Variants in MSRA observed in about 807,000 individuals in gnomAD.
MSRA encodes mitochondrial peptide methionine sulfoxide reductase.
Under a neutral mutation model 31.3 loss-of-function variants are expected in MSRA, and 54 were observed. That is an observed-to-expected ratio of 1.73 (90% confidence interval 1.39 to 2.17). The LOEUF is 2.17. Among genes scored for constraint, MSRA ranks in the 30% most tolerant of loss-of-function variants. The pLI is 0.00. For missense variants in MSRA, 507 were observed against 300.9 expected, an observed-to-expected ratio of 1.69 and a Z score of -5.07; for synonymous variants, 169 against 116.5, an observed-to-expected ratio of 1.45 and a Z score of -2.90.
At chr8:10,279,685 A>C (rs1799515132) in intron 3 of MSRA, among the ~76,000 whole-genome samples, 1 of 152,236 alleles carries the variant, frequency 6.6e-6, no homozygotes, top group South Asian at 2.1e-4. Context: ...TGAAGCTAAC[A>C]CCTAGAAGGC....
At chr8:10,087,209 C>G (rs957453750) in intron 1 of MSRA, among the ~76,000 whole-genome samples, 4 of 152,154 alleles carry the variant, frequency 2.6e-5, no homozygotes, top group African/African-American at 9.7e-5. Flanking sequence ...TTTCAGCATA[C>G]TATAAATACA....
chr8:10,136,513 CAT>C (rs2129028514), intron 1 of MSRA, among the ~76,000 whole-genome samples: 1 of 152,330 alleles, frequency 6.6e-6, no homozygotes, highest in Non-Finnish European at 1.5e-5. Context: ...CGTATGGAAT[CAT>C]ATGTCTTGAC....
At chr8:10,410,597 A>AG (rs1808098232) in intron 5 of MSRA, among the ~76,000 whole-genome samples, 1 of 152,206 alleles carries the variant, frequency 6.6e-6, no homozygotes, top group African/African-American at 2.4e-5. Flanking sequence ...GAGAAGGCCA[A>AG]GCCTCAAGGT....
chr8:10,156,989 C>G (rs966161374), intron 1 of MSRA, among the ~76,000 whole-genome samples: 4 of 151,584 alleles, frequency 2.6e-5, no homozygotes, highest in African/African-American at 7.3e-5. Context: ...TAAGTCTTCT[C>G]CATTCTTCAT....
chr8:10,115,108 C>T (rs556498287), intron 1 of MSRA, among the ~76,000 whole-genome samples: 1 of 152,296 alleles, frequency 6.6e-6, no homozygotes, highest in East Asian at 1.9e-4. Context: ...GATGACATTG[C>T]CTCGTCAGAA....
intron 2 of MSRA, among the ~76,000 whole-genome samples, chr8:10,242,296 G>A (rs992790073): frequency 2.6e-5 from 4 of 151,592 alleles, no homozygotes; most frequent in African/African-American, 7.3e-5. Flanking sequence ...ACTTAAAGAC[G>A]TATCAAATTT....
At chr8:10,307,334 T>C (rs1801195406) in intron 4 of MSRA, among the ~76,000 whole-genome samples, 1 of 152,008 alleles carries the variant, frequency 6.6e-6, no homozygotes, top group Non-Finnish European at 1.5e-5. Flanking sequence ...GCCCAACTTA[T>C]TTTTTGTATT....
At chr8:10,064,539 TGTG>T (rs955993865) in intron 1 of MSRA, among the ~76,000 whole-genome samples, 5 of 152,160 alleles carry the variant, frequency 3.3e-5, no homozygotes, top group East Asian at 1.9e-4. Flanking sequence ...CAGGAAGAAA[TGTG>T]GTGACAGTAT....
intron 1 of MSRA, among the ~76,000 whole-genome samples, chr8:10,202,085 A>G (rs1435922640): frequency 1.3e-5 from 2 of 152,244 alleles, no homozygotes; most frequent in African/African-American, 2.4e-5. Context: ...TCTGTTTAAT[A>G]AATTTGTTTC....
chr8:10,344,433 G>C (rs919926529), intron 5 of MSRA, among the ~76,000 whole-genome samples: 1 of 151,926 alleles, frequency 6.6e-6, no homozygotes, highest in Non-Finnish European at 1.5e-5. Context: ...AATTAGACAG[G>C]CGTGGTGGTG....
At position 10,327,838 on chromosome 8, in the gene MSRA, C is replaced by T. The variant is rs182034893; in HGVS notation, c.543+7849C>T. Among the ~76,000 whole-genome samples, 13 of 152,118 alleles carry T rather than the reference C, an allele frequency of 8.5e-5. No homozygotes were observed. The East Asian group carries it at 2.1e-3, about 25-fold the overall frequency. On this transcript the variant is annotated intron_variant, in intron 5 of 5. Coordinates refer to ENST00000317173, the MANE Select transcript of MSRA (RefSeq NM_012331.5). ...GTCCCAGCTACTCATGAGGCTGAGG[C>T]AGGAGAATGGCGTGAACCTGGGAGG...
chr8:10,153,455 G>GTCT (rs1391371807), intron 1 of MSRA, among the ~76,000 whole-genome samples: 1 of 151,996 alleles, frequency 6.6e-6, no homozygotes, highest in Admixed American at 6.6e-5. Context: ...ACATTTGGTT[G>GTCT]TCTTTATCCT....
intron 1 of MSRA, among the ~76,000 whole-genome samples, chr8:10,093,925 T>C (rs1210646465): frequency 6.6e-6 from 1 of 152,252 alleles, no homozygotes; most frequent in Non-Finnish European, 1.5e-5. Context: ...TCTTTGACTA[T>C]GTTATCCCAC....
At chr8:10,327,705 AG>A (rs1385811012) in intron 5 of MSRA, among the ~76,000 whole-genome samples, 2 of 152,158 alleles carry the variant, frequency 1.3e-5, no homozygotes, top group African/African-American at 2.4e-5. Context: ...AAGCCAAGGC[AG>A]GTGGATCATA....
chr8:10,244,763 T>C (rs569260670), intron 2 of MSRA, among the ~76,000 whole-genome samples: 20 of 152,358 alleles, frequency 1.3e-4, no homozygotes, highest in African/African-American at 4.3e-4. Context: ...AAATTTTCTA[T>C]TGATTCAAGT....
chr8:10,302,679 G>A (rs561190400), intron 4 of MSRA, among the ~76,000 whole-genome samples: 1 of 152,298 alleles, frequency 6.6e-6, no homozygotes, highest in South Asian at 2.1e-4. Flanking sequence ...TGACAAACTC[G>A]AGCAGGGTGA....
At chr8:10,389,467 G>A (rs1806597761) in intron 5 of MSRA, among the ~76,000 whole-genome samples, 1 of 152,238 alleles carries the variant, frequency 6.6e-6, no homozygotes, top group Non-Finnish European at 1.5e-5. Flanking sequence ...ATTTGTCATT[G>A]TTATGTTCTG....
At chr8:10,267,262 C>T (rs773552600) in intron 3 of MSRA, among the ~76,000 whole-genome samples, 4 of 152,184 alleles carry the variant, frequency 2.6e-5, no homozygotes, top group African/African-American at 7.2e-5. Flanking sequence ...ATGTGGAGCA[C>T]GGGCTCTGCC....
chr8:10,135,285 GAA>G (rs1802193453), intron 1 of MSRA, among the ~76,000 whole-genome samples: 1 of 152,236 alleles, frequency 6.6e-6, no homozygotes. Flanking sequence ...GTGGTGAGGA[GAA>G]AGTCATTCGG....
Sources: allele counts gnomAD v4.1 joint callset (sites outside exome capture counted in the v4.1 genomes callset), GRCh38; gene constraint gnomAD v4.1.1; transcripts MANE v1.5; gene names NCBI Gene and HGNC (gene_info 2026-07-23, HGNC 2026-07-21).